ZNF627: variants seen among roughly 807,000 people sequenced by gnomAD.
ZNF627 encodes the protein zinc finger protein 627.
Under a neutral mutation model 10.6 loss-of-function variants are expected in ZNF627, and 12 were observed. The ratio of observed to expected loss-of-function variants is 1.13; its 90% CI spans 0.73 to 1.84. The LOEUF (loss-of-function observed/expected upper bound fraction) is 1.84, where lower values mean the gene tolerates loss of function less well. Among genes scored for constraint, ZNF627 ranks in the 40% most tolerant of loss-of-function variants. ZNF627 has a pLI of 0.00. For missense variants in ZNF627, 504 were observed against 568.4 expected (o/e 0.89, Z 1.15); for synonymous variants, 176 against 187.1 (o/e 0.94, Z 0.48).
chr19:11,617,342 A>C lies in ZNF627; in HGVS notation c.839A>C (p.Glu280Ala). Residue 280 changes from glutamate to alanine, a missense_variant, in exon 4 of 4, where the codon GAA (glutamate) becomes GCA (alanine). By Grantham distance (107) the Glu-to-Ala change is moderately radical. Coordinates refer to ENST00000361113, the MANE Select transcript of ZNF627 (RefSeq NM_145295.4). ...ERTHTGEKPY[E>A]CKQCGKAFRC... is the part of the protein sequence containing the mutation. ...ACTCACACAGGAGAGAAACCCTACG[A>C]ATGTAAACAGTGCGGTAAAGCCTTT... 4 of 1,614,046 alleles carry C rather than the reference A, an allele frequency of 2.5e-6. No individual in the cohort carries two copies. Among genetic ancestry groups the C allele is most frequent in the Non-Finnish European group, 3.4e-6 (4 of 1,180,016 alleles).
chr19:11,610,045 G>A (rs947770546), intron 1 of ZNF627, among the ~76,000 whole-genome samples: 9 of 126,544 alleles, frequency 7.1e-5, no homozygotes, highest in Non-Finnish European at 1.5e-4. Context: ...AGTGGGATTT[G>A]AATTTTTTTT....
intron 1 of ZNF627, among the ~76,000 whole-genome samples, chr19:11,599,584 G>C (rs965359171): frequency 3.9e-5 from 6 of 152,230 alleles, no homozygotes; most frequent in Admixed American, 3.3e-4. Flanking sequence ...AGCAGGTTAG[G>C]GGGTGGACGA....
In ZNF627 at chr19:11,612,245, C is replaced by A. The variant is rs555511679; in HGVS notation, c.4-2282C>A. On this transcript the variant is annotated intron_variant, in intron 1 of 3. Transcript: ENST00000361113. ...ACGCCATTCTCTTGCCTCAGCCTCCCGAGTAGCTGGGACTACAGGCGTCCG... is the reference window on the plus strand; with the variant it reads ...ACGCCATTCTCTTGCCTCAGCCTCCAGAGTAGCTGGGACTACAGGCGTCCG... 5.3e-5 allele frequency among the ~76,000 whole-genome samples: 8 copies of A among 151,030 alleles called. No individual in the cohort carries two copies. The South Asian group carries it at 1.7e-3, about 32-fold the overall frequency.
Position 11,607,468 on chromosome 19 carries a change from A to G in ZNF627, c.4-7059A>G, listed in dbSNP as rs150491565. On this transcript the variant is annotated intron_variant, in intron 1 of 3. Coordinates refer to ENST00000361113, the MANE Select transcript of ZNF627 (RefSeq NM_145295.4). The stretch of plus-strand genomic sequence containing the variant: ...TTTTCTGTTCCATTGTCAGGCTGCA[A>G]TTTTTCCAAACTTTAATGTTCTGTC... Among the ~76,000 whole-genome samples, 56 of 151,864 alleles carry G rather than the reference A, an allele frequency of 3.7e-4. No individual in the cohort carries two copies. In the East Asian group the frequency reaches 9.5e-3, roughly 26 times the overall value.
Position 11,618,004 on chromosome 19 carries a change from T to C in ZNF627, c.*115T>C. The C allele has an allele frequency of 1.1e-6, 1 of 884,112 alleles. No homozygotes were observed. The highest frequency in any genetic ancestry group is 1.6e-6 in the Non-Finnish European group (1 of 609,570). 54.8% of individuals were successfully genotyped at this position (884,112 alleles called of 1,614,324 possible). A position where few individuals can be genotyped will look rare whatever the true frequency, so the allele number is the denominator to read the frequency against. ...GGATTCACAGTGGAGAAAGACCCTG[T>C]AAGATAATTGGCTTTAAATTACGAG... On this transcript the variant is annotated 3_prime_UTR_variant, in exon 4 of 4. Coordinates refer to ENST00000361113, the MANE Select transcript of ZNF627 (RefSeq NM_145295.4).
At chr19:11,606,853 A>G (rs1973684557) in intron 1 of ZNF627, among the ~76,000 whole-genome samples, 1 of 152,150 alleles carries the variant, frequency 6.6e-6, no homozygotes, top group Admixed American at 6.5e-5. Flanking sequence ...CGAAGCCATG[A>G]CCCGAATTGT....
intron 3 of ZNF627, among the ~76,000 whole-genome samples, chr19:11,615,101 C>T (rs1451061576): frequency 1.3e-5 from 2 of 151,624 alleles, no homozygotes; most frequent in Non-Finnish European, 2.9e-5. Flanking sequence ...CACGTGCCAC[C>T]ACGCCGAGCT....
At position 11,618,453 on chromosome 19, in the gene ZNF627, G is replaced by C. The variant is rs934759804; in HGVS notation, c.*564G>C. ...ATGTCTGTACTAGGCAACTAATTCA[G>C]ACTGTCCTGGTTGGGAATATTCTGT... On this transcript the variant is annotated 3_prime_UTR_variant, in exon 4 of 4. Transcript: ENST00000361113. 1 of 152,522 alleles carries C rather than the reference G, an allele frequency of 6.6e-6. No individual in the cohort carries two copies. Among genetic ancestry groups the C allele is most frequent in the African/African-American group, 2.4e-5 (1 of 41,434 alleles). The allele number at this position is 152,522 out of a possible 1,614,324, so 9.4% of individuals were successfully genotyped here.
chr19:11,603,114 T>C (rs536164288), intron 1 of ZNF627, among the ~76,000 whole-genome samples: 1 of 152,262 alleles, frequency 6.6e-6, no homozygotes, highest in South Asian at 2.1e-4. Flanking sequence ...AAAAGAGTTT[T>C]TTTTTGGTTT....
At chr19:11,601,942 G>A (rs1243015693) in intron 1 of ZNF627, among the ~76,000 whole-genome samples, 1 of 146,814 alleles carries the variant, frequency 6.8e-6, no homozygotes, top group Non-Finnish European at 1.5e-5. Flanking sequence ...GGAGGCAGAG[G>A]TTGCAGTGAG....
chr19:11,605,903 C>A (rs948364622), intron 1 of ZNF627, among the ~76,000 whole-genome samples: 4 of 152,112 alleles, frequency 2.6e-5, no homozygotes, highest in Non-Finnish European at 4.4e-5. Flanking sequence ...CCTGTAAAAT[C>A]AAAAACAAGT....
At chr19:11,606,348 A>AG (rs1219576261) in intron 1 of ZNF627, among the ~76,000 whole-genome samples, 1 of 151,592 alleles carries the variant, frequency 6.6e-6, no homozygotes, top group Non-Finnish European at 1.5e-5. Flanking sequence ...AAAAAAAAAA[A>AG]GAAAGAAAAA....
Position 11,597,572 on chromosome 19 carries a change from C to G in ZNF627, c.-56C>G. ...CGCCGCAGCCTCTGTCGCGCCGTGACCTGTACAGGTCGCGGGAGTCGTAGG... is the reference window on the plus strand; with the variant it reads ...CGCCGCAGCCTCTGTCGCGCCGTGAGCTGTACAGGTCGCGGGAGTCGTAGG... On this transcript the variant is annotated 5_prime_UTR_variant, in exon 1 of 4. Coordinates refer to ENST00000361113, the MANE Select transcript of ZNF627 (RefSeq NM_145295.4). 7.6e-7 allele frequency: 1 copy of G among 1,316,972 alleles called. No individual in the cohort carries two copies. Among genetic ancestry groups the G allele is most frequent in the Non-Finnish European group, 9.8e-7 (1 of 1,024,212 alleles). 81.6% of individuals were successfully genotyped at this position (1,316,972 alleles called of 1,614,324 possible). A position where few individuals can be genotyped will look rare whatever the true frequency, so the allele number is the denominator to read the frequency against.
At position 11,617,554 on chromosome 19, in the gene ZNF627, C is replaced by T. The variant is rs764121504; in HGVS notation, c.1051C>T (p.Arg351Ter). ...AGCCTTTGATTTCCCCAGTTCATTT[C>T]GAATCCATGAAAGGACCCACACTGG... The part of the protein sequence containing the change: ...GKAFDFPSSF[R>*]IHERTHTGEK... The change falls in exon 4 of 4, where the codon CGA becomes TGA. Residue 351 changes from arginine to a stop codon, truncating the protein, a stop_gained. Transcript: ENST00000361113. LOFTEE classifies it low-confidence loss of function (END_TRUNC). 1.1e-5 allele frequency: 18 copies of T among 1,612,038 alleles called. No individual in the cohort carries two copies. In the Admixed American group the frequency reaches 1.3e-4, roughly 12 times the overall value.
chr19:11,597,864 C>T (rs1296921660), intron 1 of ZNF627, among the ~76,000 whole-genome samples: 1 of 152,198 alleles, frequency 6.6e-6, no homozygotes, highest in African/African-American at 2.4e-5. Context: ...GGTGCGGGGG[C>T]CGCGGGAGGG....
In ZNF627 at chr19:11,616,125, C is replaced by T. The variant is rs62111850; in HGVS notation, c.192-570C>T. Among the ~76,000 whole-genome samples, 839 of 151,112 alleles carry T rather than the reference C, an allele frequency of 5.6e-3. 9 individuals are homozygous for T. Among genetic ancestry groups the T allele is most frequent in the African/African-American group, 0.02 (805 of 41,144 alleles). ...ATGATCTTGGCTCACTGCACCTCTG[C>T]CTCCTGGGTTCAAGCAATTCTCCTG... On this transcript the variant is annotated intron_variant, in intron 3 of 3. Transcript: ENST00000361113.
At chr19:11,612,014 A>G (rs1182351563) in intron 1 of ZNF627, among the ~76,000 whole-genome samples, 2 of 151,406 alleles carry the variant, frequency 1.3e-5, no homozygotes, top group African/African-American at 2.4e-5. Flanking sequence ...TGGCCTGCAT[A>G]ATTTTTACTA....
chr19:11,601,922 C>A (rs1804799318), intron 1 of ZNF627, among the ~76,000 whole-genome samples: 1 of 146,362 alleles, frequency 6.8e-6, no homozygotes, highest in Non-Finnish European at 1.5e-5. Context: ...AGGAGAATCG[C>A]TTGAACTCAG....
intron 3 of ZNF627, among the ~76,000 whole-genome samples, chr19:11,616,133 G>C (rs1376612829): frequency 7.1e-6 from 1 of 141,754 alleles, no homozygotes; most frequent in African/African-American, 2.6e-5. Flanking sequence ...TGCCTCCTGG[G>C]TTCAAGCAAT....
Sources: allele counts gnomAD v4.1 joint callset (sites outside exome capture counted in the v4.1 genomes callset), GRCh38; gene constraint gnomAD v4.1.1; transcripts MANE v1.5; gene names NCBI Gene and HGNC (gene_info 2026-07-23, HGNC 2026-07-21).